PLA2G10: variants seen among roughly 807,000 people sequenced by gnomAD.
PLA2G10 encodes the protein group 10 secretory phospholipase A2.
PLA2G10 carries 9 observed loss-of-function variants against 7.9 expected under a neutral mutation model. The observed-to-expected ratio is 1.14, with a 90% CI of 0.68 to 1.98. PLA2G10 has a LOEUF of 1.98. Ranked by LOEUF, PLA2G10 falls within the 30% of genes most tolerant of loss-of-function variation. PLA2G10 has a pLI of 0.00. For missense variants in PLA2G10, 53 were observed against 65.4 expected, an observed-to-expected ratio of 0.81 and a Z score of 0.66; for synonymous variants, 19 against 27.5, an observed-to-expected ratio of 0.69 and a Z score of 0.97.
At chr16:14,684,007 G>A (rs1173781094) in intron 3 of PLA2G10, among the ~76,000 whole-genome samples, 1 of 152,116 alleles carries the variant, frequency 6.6e-6, no homozygotes, top group Non-Finnish European at 1.5e-5. Context: ...AGGCAGACAG[G>A]CAGAAGGATT....
intron 3 of PLA2G10, among the ~76,000 whole-genome samples, chr16:14,674,712 AAAG>A (rs1330130281): frequency 4.6e-5 from 7 of 152,086 alleles, no homozygotes; most frequent in Non-Finnish European, 8.8e-5. Flanking sequence ...AAAAAAAAGA[AAAG>A]AAGAAAAAAT....
chr16:14,682,685 C>T (rs1960925446), intron 3 of PLA2G10, among the ~76,000 whole-genome samples: 1 of 152,168 alleles, frequency 6.6e-6, no homozygotes, highest in Non-Finnish European at 1.5e-5. Flanking sequence ...AGAGTTGGAA[C>T]AGATCTTTGA....
At chr16:14,680,307 C>T (rs1248433442) in intron 3 of PLA2G10, among the ~76,000 whole-genome samples, 4 of 152,134 alleles carry the variant, frequency 2.6e-5, no homozygotes, top group African/African-American at 4.8e-5. Context: ...ACCATGTTGG[C>T]GAGACTGATC....
At chr16:14,678,963 C>T (rs1456300492) in intron 3 of PLA2G10, among the ~76,000 whole-genome samples, 1 of 152,040 alleles carries the variant, frequency 6.6e-6, no homozygotes, top group Non-Finnish European at 1.5e-5. Context: ...TCAGACCACC[C>T]AGACACTTGT....
At chr16:14,686,984 T>A (rs894421752) in intron 3 of PLA2G10, among the ~76,000 whole-genome samples, 2 of 151,920 alleles carry the variant, frequency 1.3e-5, no homozygotes, top group Non-Finnish European at 2.9e-5. Context: ...GGCAGGCACC[T>A]GTAATCTCAG....
intron 3 of PLA2G10, among the ~76,000 whole-genome samples, chr16:14,677,818 T>C (rs1246630721): frequency 6.7e-6 from 1 of 149,488 alleles, no homozygotes; most frequent in Admixed American, 6.7e-5. Flanking sequence ...GGATGATGGA[T>C]GGATGGAAAT....
chr16:14,677,396 T>G (rs1960751499), intron 3 of PLA2G10, among the ~76,000 whole-genome samples: 1 of 152,074 alleles, frequency 6.6e-6, no homozygotes, highest in Non-Finnish European at 1.5e-5. Context: ...GAGACGGAGT[T>G]TCACTCTGTT....
chr16:14,674,560 G>A (rs532414349), intron 3 of PLA2G10, among the ~76,000 whole-genome samples: 3 of 151,972 alleles, frequency 2.0e-5, no homozygotes, highest in South Asian at 2.1e-4. Context: ...AATTAGCCAG[G>A]CATGATGGTG....
intron 3 of PLA2G10, among the ~76,000 whole-genome samples, chr16:14,684,614 C>G (rs1385779583): frequency 2.0e-5 from 3 of 152,006 alleles, no homozygotes; most frequent in Non-Finnish European, 4.4e-5. Context: ...TGTAGTGAGC[C>G]ACGATCGTGC....
chr16:14,679,887 G>A (rs1006901199), intron 3 of PLA2G10, among the ~76,000 whole-genome samples: 4 of 151,798 alleles, frequency 2.6e-5, no homozygotes, highest in Admixed American at 6.6e-5. Context: ...TTCGCTCCCC[G>A]TTCCCACTCT....
chr16:14,678,343 C>T (rs1960783298), intron 3 of PLA2G10, among the ~76,000 whole-genome samples: 1 of 152,206 alleles, frequency 6.6e-6, no homozygotes, highest in African/African-American at 2.4e-5. Flanking sequence ...CCCCTTCCAC[C>T]ATCTTCACTG....
chr16:14,683,427 G>T (rs1030860532), intron 3 of PLA2G10, among the ~76,000 whole-genome samples: 1 of 151,716 alleles, frequency 6.6e-6, no homozygotes, highest in Non-Finnish European at 1.5e-5. Context: ...GTAGAGATGG[G>T]GTTTCACCGT....
intron 3 of PLA2G10, among the ~76,000 whole-genome samples, chr16:14,686,965 A>G (rs1961090350): frequency 1.3e-5 from 2 of 152,024 alleles, no homozygotes; most frequent in African/African-American, 4.8e-5. Flanking sequence ...AATATTAGCC[A>G]GGTGTAGTGG....
In PLA2G10 at chr16:14,673,658, C is replaced by T. The variant is rs1422375738; in HGVS notation, c.356-909G>A. On this transcript the variant is annotated intron_variant, in intron 3 of 3. Coordinates refer to ENST00000438167, the MANE Select transcript of PLA2G10 (RefSeq NM_003561.3). ...TACTGGGATTACAGGCACGAGCCAC[C>T]ACTCTCAGCCCATAATAATATTTTT... 2.0e-5 allele frequency among the ~76,000 whole-genome samples: 3 copies of T among 152,224 alleles called. No individual in the cohort carries two copies. In the East Asian group the frequency reaches 5.8e-4, roughly 29 times the overall value.
chr16:14,674,141 A>T (rs1272165065), intron 3 of PLA2G10, among the ~76,000 whole-genome samples: 1 of 152,026 alleles, frequency 6.6e-6, no homozygotes, highest in Non-Finnish European at 1.5e-5. Flanking sequence ...AAAAAAAAGG[A>T]AAATAGCTAC....
intron 3 of PLA2G10, among the ~76,000 whole-genome samples, chr16:14,683,585 C>T (rs1212383810): frequency 6.6e-6 from 1 of 152,048 alleles, no homozygotes; most frequent in Admixed American, 6.6e-5. Flanking sequence ...AGAGTCTCTT[C>T]AACCAAGAGG....
chr16:14,680,107 T>C (rs1960848219), intron 3 of PLA2G10, among the ~76,000 whole-genome samples: 1 of 151,246 alleles, frequency 6.6e-6, no homozygotes, highest in African/African-American at 2.4e-5. Flanking sequence ...TTTTCTTTTT[T>C]TTTTTTTTTG....
intron 3 of PLA2G10, among the ~76,000 whole-genome samples, chr16:14,673,894 T>G (rs1960657139): frequency 6.6e-6 from 1 of 151,856 alleles, no homozygotes; most frequent in Non-Finnish European, 1.5e-5. Context: ...GCCAGAGCAG[T>G]CAGGAAAGAG....
chr16:14,672,787 C>G, intron 3 of PLA2G10, 38 bp from the exon 4 acceptor site: 1 of 1,605,864 alleles, frequency 6.2e-7, no homozygotes, highest in Non-Finnish European at 8.5e-7. Flanking sequence ...GAGCAGGGAC[C>G]TGGAGAGACT....
Sources: gnomAD v4.1 joint callset for allele counts (sites outside exome capture counted in the v4.1 genomes callset) on GRCh38, gnomAD v4.1.1 for gene constraint, MANE v1.5 for transcripts, NCBI Gene and HGNC (gene_info 2026-07-23, HGNC 2026-07-21) for gene names.